Variants in MYOM2 observed in about 807,000 individuals in gnomAD.
MYOM2 encodes myomesin-2.
Under a neutral mutation model 187.6 loss-of-function variants are expected in MYOM2, and 254 were observed. The ratio of observed to expected loss-of-function variants is 1.35; its 90% confidence interval spans 1.22 to 1.50. The LOEUF is 1.50. Among genes scored for constraint, MYOM2 ranks in the 40% most tolerant of loss-of-function variants. The pLI, the probability that MYOM2 is intolerant of heterozygous loss-of-function variation, is 0.00. For synonymous variants in MYOM2, 981 were observed against 753.8 expected (o/e 1.30, Z -4.94); for missense variants, 2,796 against 1,924.0 (o/e 1.45, Z -8.48).
intron 32 of MYOM2, among the ~76,000 whole-genome samples, chr8:2,136,618 A>T (rs73657771): frequency 1.3e-5 from 2 of 152,096 alleles, no homozygotes; most frequent in Non-Finnish European, 2.9e-5. Context: ...AGGCCAGTGA[A>T]GCAATTGTGT....
rs751555904 is a variant in MYOM2 at position 2,108,789 on chromosome 8, T to G, written c.3002T>G (p.Leu1001Arg). 2.5e-6 allele frequency: 4 copies of G among 1,613,846 alleles called. No individual in the cohort carries two copies. In the East Asian group the frequency reaches 8.9e-5, roughly 36 times the overall value. ...SSSFVLDPEE[L>R]ERLMALSNEI... ...AAATACTTTTTCTTCGTTTTAGAGC[T>G]CGAGCGTTTGATGGCATTGAGCAAT... The change falls in exon 24 of 37, where the codon CTC (leucine) becomes CGC (arginine). Residue 1001 changes from leucine to arginine, a missense_variant. Leu to Arg is a moderately radical substitution (Grantham distance 102). Coordinates refer to ENST00000262113, the MANE Select transcript of MYOM2 (RefSeq NM_003970.4).
intron 3 of MYOM2, among the ~76,000 whole-genome samples, chr8:2,056,586 T>A (rs4875925): frequency 6.6e-6 from 1 of 151,994 alleles, no homozygotes; most frequent in Non-Finnish European, 1.5e-5. Context: ...TTATTTTTAG[T>A]ATTCAGACAT....
chr8:2,108,763 G>T (rs748480797), intron 23 of MYOM2, 23 bp from the exon 24 acceptor site: 4 of 1,613,660 alleles, frequency 2.5e-6, no homozygotes, highest in Non-Finnish European at 3.4e-6. Flanking sequence ...CAGATGAATT[G>T]AAATACTTTT....
At position 2,055,394 on chromosome 8, in the gene MYOM2, C is replaced by G. The variant is rs114132717; in HGVS notation, c.264-1954C>G. 2.1e-3 allele frequency among the ~76,000 whole-genome samples: 324 copies of G among 152,214 alleles called. 3 individuals are homozygous for G. The highest frequency in any genetic ancestry group is 7.4e-3 in the African/African-American group (307 of 41,512). On this transcript the variant is annotated intron_variant, in intron 3 of 36. Coordinates refer to ENST00000262113, the MANE Select transcript of MYOM2 (RefSeq NM_003970.4). Reference sequence around the variant, plus strand: ...ACCCCTGTGCTGAAAGCAGGAGGAGCAGAAGCCAGCCCATTAGAGGTTGGG... The same window carrying G: ...ACCCCTGTGCTGAAAGCAGGAGGAGGAGAAGCCAGCCCATTAGAGGTTGGG...
chr8:2,096,676 G>A (rs575547320), intron 18 of MYOM2, among the ~76,000 whole-genome samples: 2 of 152,320 alleles, frequency 1.3e-5, no homozygotes, highest in South Asian at 4.1e-4. Context: ...GTGAGTCCAT[G>A]ACCTCTGGTG....
Position 2,102,587 on chromosome 8 carries a change from A to G in MYOM2, c.2620-80A>G, listed in dbSNP as rs1796744620. The G allele has an allele frequency of 5.6e-6, 5 of 886,454 alleles. No individual in the cohort carries two copies. In the East Asian group the frequency reaches 1.3e-4, roughly 23 times the overall value. The allele number at this position is 886,454 out of a possible 1,614,324, so 54.9% of individuals were successfully genotyped here. ...AATAAGCTATTTTTGAAAAGGCCCT[A>G]TTCACAATAAAATGTGAAAAACTCC... On this transcript the variant is annotated intron_variant, in intron 20 of 36. Coordinates refer to ENST00000262113, the MANE Select transcript of MYOM2 (RefSeq NM_003970.4).
chr8:2,095,137 T>A (rs1008283790), intron 17 of MYOM2, among the ~76,000 whole-genome samples: 1 of 152,212 alleles, frequency 6.6e-6, no homozygotes, highest in African/African-American at 2.4e-5. Flanking sequence ...TGCTGTTGGA[T>A]TTCCAAGGAA....
chr8:2,139,760 C>T (rs951264463), intron 32 of MYOM2, among the ~76,000 whole-genome samples: 4 of 152,218 alleles, frequency 2.6e-5, no homozygotes, highest in African/African-American at 9.6e-5. Flanking sequence ...ACAGATCTCT[C>T]AGGCTCCCTC....
At chr8:2,135,054 C>T (rs1354275167) in intron 32 of MYOM2, among the ~76,000 whole-genome samples, 2 of 152,200 alleles carry the variant, frequency 1.3e-5, no homozygotes, top group Non-Finnish European at 2.9e-5. Context: ...GATTGGATCC[C>T]AGCCCAACTC....
At chr8:2,053,991 T>C (rs982334581) in intron 3 of MYOM2, among the ~76,000 whole-genome samples, 3 of 152,216 alleles carry the variant, frequency 2.0e-5, no homozygotes, top group Non-Finnish European at 2.9e-5. Context: ...TTGTGAAGCC[T>C]GCTCTATCAC....
At chr8:2,073,793 G>A (rs1819320927) in intron 10 of MYOM2, among the ~76,000 whole-genome samples, 1 of 152,250 alleles carries the variant, frequency 6.6e-6, no homozygotes. Flanking sequence ...ATTCCCAAGA[G>A]TGAGTGCCCC....
intron 13 of MYOM2, among the ~76,000 whole-genome samples, chr8:2,084,348 C>T (rs1819735034): frequency 6.6e-6 from 1 of 152,224 alleles, no homozygotes; most frequent in South Asian, 2.1e-4. Flanking sequence ...GAAACCCAGT[C>T]TTGCTTTGTA....
chr8:2,133,017 C>T (rs773505918), intron 32 of MYOM2, among the ~76,000 whole-genome samples: 3 of 152,136 alleles, frequency 2.0e-5, no homozygotes, highest in Non-Finnish European at 4.4e-5. Flanking sequence ...TGGCTTTAGC[C>T]GATGTGTGTT....
At chr8:2,112,526 G>C (rs892476126) in intron 25 of MYOM2, among the ~76,000 whole-genome samples, 1 of 152,102 alleles carries the variant, frequency 6.6e-6, no homozygotes, top group African/African-American at 2.4e-5. Context: ...GGAGGGGGCT[G>C]TTTGCCTGAG....
intron 1 of MYOM2, among the ~76,000 whole-genome samples, chr8:2,048,247 C>A (rs1289685860): frequency 6.6e-6 from 1 of 152,212 alleles, no homozygotes; most frequent in Non-Finnish European, 1.5e-5. Flanking sequence ...AGGCTGATCC[C>A]AGAAGAACCT....
At chr8:2,105,748 G>A (rs936858924) in intron 21 of MYOM2, among the ~76,000 whole-genome samples, 3 of 152,266 alleles carry the variant, frequency 2.0e-5, no homozygotes, top group African/African-American at 4.8e-5. Flanking sequence ...TCTCTCTCAC[G>A]ATTCTCTCAT....
At chr8:2,127,545 T>C (rs951864346) in intron 31 of MYOM2, among the ~76,000 whole-genome samples, 2 of 152,020 alleles carry the variant, frequency 1.3e-5, no homozygotes, top group African/African-American at 4.8e-5. Context: ...ACTAGCGGGG[T>C]TTAGGGAGGT....
At chr8:2,134,254 C>A (rs1797979501) in intron 32 of MYOM2, among the ~76,000 whole-genome samples, 1 of 152,056 alleles carries the variant, frequency 6.6e-6, no homozygotes, top group Admixed American at 6.6e-5. Context: ...TTCAGGCTCT[C>A]CTCGTCTCTC....
chr8:2,101,815 G>A (rs1796719780), intron 20 of MYOM2, among the ~76,000 whole-genome samples: 1 of 152,204 alleles, frequency 6.6e-6, no homozygotes, highest in Non-Finnish European at 1.5e-5. Flanking sequence ...ACCACACACA[G>A]ATATACACAC....
Sources: gnomAD v4.1 joint callset for allele counts (sites outside exome capture counted in the v4.1 genomes callset) on GRCh38, gnomAD v4.1.1 for gene constraint, MANE v1.5 for transcripts, NCBI Gene and HGNC (gene_info 2026-07-23, HGNC 2026-07-21) for gene names.